The following TASP1 variants were observed in gnomAD, a reference collection of about 807,000 sequenced individuals.
TASP1 encodes threonine aspartase 1.
TASP1 carries 16 observed loss-of-function variants against 56.6 expected under a neutral mutation model. That is an observed-to-expected ratio of 0.28 (90% CI 0.19 to 0.43). The LOEUF (loss-of-function observed/expected upper bound fraction) is 0.43. Ranked by LOEUF, TASP1 falls within the 20% of genes least tolerant of loss-of-function variation. The probability of loss-of-function intolerance (pLI) is 1.00; values close to 1 mark genes in which losing one functional copy is unlikely to be tolerated. For synonymous variants in TASP1, 179 were observed against 184.2 expected, an observed-to-expected ratio of 0.97 and a Z score of 0.23; for missense variants, 393 against 511.6, an observed-to-expected ratio of 0.77 and a Z score of 2.24.
the TASP1 span, among the ~76,000 whole-genome samples, chr20:13,188,425 A>C: frequency 2.0e-5 from 3 of 152,306 alleles, no homozygotes; most frequent in Admixed American, 2.0e-4. Flanking sequence ...AAATCAAGAA[A>C]GCAATTCCAT....
chr20:13,563,708 T>C (rs1340964030), intron 7 of TASP1, among the ~76,000 whole-genome samples: 1 of 151,796 alleles, frequency 6.6e-6, no homozygotes, highest in East Asian at 1.9e-4. Flanking sequence ...CCTCACTATG[T>C]TGCCCAGGCT....
the TASP1 span, among the ~76,000 whole-genome samples, chr20:13,243,584 C>T: frequency 6.6e-6 from 1 of 152,126 alleles, no homozygotes; most frequent in East Asian, 1.9e-4. Context: ...ATTATAAAAG[C>T]AGTAAAACGA....
At chr20:13,391,967 CAAA>C (rs36124207) in intron 13 of TASP1, among the ~76,000 whole-genome samples, 4 of 71,866 alleles carry the variant, frequency 5.6e-5, no homozygotes, top group Non-Finnish European at 6.2e-5. Context: ...GACTCCGTCT[CAAA>C]AAAAAAAAAA....
the TASP1 span, among the ~76,000 whole-genome samples, chr20:13,115,263 T>C: frequency 7.9e-5 from 12 of 152,166 alleles, no homozygotes; most frequent in African/African-American, 2.9e-4. Flanking sequence ...GAAAACTTAG[T>C]GTGGGTGAAT....
At chr20:13,556,202 A>ATTT (rs1275655337) in intron 8 of TASP1, among the ~76,000 whole-genome samples, 3 of 152,130 alleles carry the variant, frequency 2.0e-5, no homozygotes, top group Admixed American at 2.0e-4. Context: ...TAAAACTCTT[A>ATTT]ATTCCTCTCT....
At position 13,534,728 on chromosome 20, in the gene TASP1, T is replaced by C. The variant is rs149106463; in HGVS notation, c.676-587A>G. On this transcript the variant is annotated intron_variant, in intron 8 of 13. Transcript: ENST00000337743. ...ATAACAGTAACATGCTTGCCAATTG[T>C]ATGGCAGAAAAGTGTACGTTCTTGG... Among the ~76,000 whole-genome samples the C allele has an allele frequency of 2.0e-3, 311 of 152,280 alleles. 1 individual carries two copies. The highest frequency in any genetic ancestry group is 7.0e-3 in the African/African-American group (293 of 41,562).
At chr20:13,454,551 A>T (rs2043754558) in intron 11 of TASP1, among the ~76,000 whole-genome samples, 1 of 152,154 alleles carries the variant, frequency 6.6e-6, no homozygotes, top group Non-Finnish European at 1.5e-5. Context: ...GCTCTACCGA[A>T]GAGAGAATGT....
chr20:13,553,164 G>A (rs965113139), intron 8 of TASP1, among the ~76,000 whole-genome samples: 1 of 152,058 alleles, frequency 6.6e-6, no homozygotes, highest in African/African-American at 2.4e-5. Context: ...GGCTGGTCTC[G>A]AAACTCCTAG....
the TASP1 span, among the ~76,000 whole-genome samples, chr20:13,283,989 C>G: frequency 6.6e-6 from 1 of 152,142 alleles, no homozygotes; most frequent in Admixed American, 6.5e-5. Context: ...TGGGAGCAGA[C>G]AGATCTTAGA....
the TASP1 span, among the ~76,000 whole-genome samples, chr20:13,197,461 T>G: frequency 6.6e-6 from 1 of 152,196 alleles, no homozygotes; most frequent in African/African-American, 2.4e-5. Flanking sequence ...ATCCCATAAC[T>G]GCCACTAAAT....
At chr20:13,113,279 G>A in the TASP1 span, among the ~76,000 whole-genome samples, 12 of 152,250 alleles carry the variant, frequency 7.9e-5, no homozygotes, top group South Asian at 8.3e-4. Flanking sequence ...CCTACTTTTC[G>A]GAGGTATATT....
intron 8 of TASP1, among the ~76,000 whole-genome samples, chr20:13,534,746 G>T (rs117967217): frequency 6.6e-6 from 1 of 152,058 alleles, no homozygotes; most frequent in Non-Finnish European, 1.5e-5. Flanking sequence ...AAAAGTGTAC[G>T]TTCTTGGAAG....
the TASP1 span, among the ~76,000 whole-genome samples, chr20:13,133,806 G>C: frequency 6.6e-6 from 1 of 152,114 alleles, no homozygotes; most frequent in African/African-American, 2.4e-5. Flanking sequence ...GGCTGGACAG[G>C]AGAACTGCCA....
At chr20:13,342,820 G>T in the TASP1 span, among the ~76,000 whole-genome samples, 1 of 152,210 alleles carries the variant, frequency 6.6e-6, no homozygotes, top group Non-Finnish European at 1.5e-5. Flanking sequence ...ACACCCGACA[G>T]GGTGCCTCCA....
intron 11 of TASP1, among the ~76,000 whole-genome samples, chr20:13,437,622 C>T (rs1239793006): frequency 2.0e-5 from 3 of 152,156 alleles, no homozygotes; most frequent in Non-Finnish European, 4.4e-5. Flanking sequence ...ATTGTCTCAG[C>T]CCAAAATCTC....
At chr20:13,361,819 T>G in the TASP1 span, among the ~76,000 whole-genome samples, 1 of 152,074 alleles carries the variant, frequency 6.6e-6, no homozygotes, top group East Asian at 1.9e-4. Context: ...AAACTGCCAC[T>G]CTTAACTCTT....
intron 4 of TASP1, among the ~76,000 whole-genome samples, chr20:13,611,226 G>A (rs1338804314): frequency 6.6e-6 from 1 of 152,176 alleles, no homozygotes; most frequent in Non-Finnish European, 1.5e-5. Flanking sequence ...GAAGTTATCA[G>A]GACAAAGTGT....
the TASP1 span, among the ~76,000 whole-genome samples, chr20:13,343,698 T>C: frequency 2.0e-5 from 3 of 152,034 alleles, no homozygotes; most frequent in Non-Finnish European, 4.4e-5. Flanking sequence ...ACTCAGGGAA[T>C]TGGGCGTCCA....
At chr20:13,236,814 C>T in the TASP1 span, among the ~76,000 whole-genome samples, 1 of 152,246 alleles carries the variant, frequency 6.6e-6, no homozygotes, top group Non-Finnish European at 1.5e-5. Context: ...CCAGGTCTCA[C>T]ATCAAGGTGA....
Sources: allele counts gnomAD v4.1 joint callset (sites outside exome capture counted in the v4.1 genomes callset), GRCh38; gene constraint gnomAD v4.1.1; transcripts MANE v1.5; gene names NCBI Gene and HGNC (gene_info 2026-07-23, HGNC 2026-07-21).